The following KLF8 variants were observed in gnomAD, a reference collection of about 807,000 sequenced individuals.
KLF8 encodes the protein Krueppel-like factor 8.
A neutral mutation model predicts 18.2 loss-of-function variants in KLF8; 10 were observed. The ratio of observed to expected loss-of-function variants is 0.55; its 90% CI spans 0.34 to 0.93. The LOEUF is 0.93. Among genes scored for constraint, KLF8 ranks in the 40% least tolerant of loss-of-function variants. KLF8 has a pLI of 0.02. For missense variants in KLF8, 264 were observed against 277.9 expected (o/e 0.95, Z 0.36); for synonymous variants, 109 against 97.3 (o/e 1.12, Z -0.71).
chrX:55,944,587 C>A, the KLF8 span, among the ~76,000 whole-genome samples: 1 of 111,752 alleles, frequency 8.9e-6, no homozygotes, highest in Non-Finnish European at 1.9e-5. Flanking sequence ...GGAATTTATC[C>A]ATTTCTTCTA....
At position 56,233,267 on chromosome X, in the gene KLF8, C is replaced by T; in HGVS notation, c.-68C>T. On this transcript the variant is annotated 5_prime_UTR_variant, in exon 1 of 6. Transcript: ENST00000468660. The stretch of plus-strand genomic sequence containing the variant: ...AGGGGAACAGCTCTCTTGCGATCAG[C>T]TCAGGAGTATGAGCCTCCCGGAGGA... 8.4e-7 allele frequency: 1 copy of T among 1,193,159 alleles called. No individual in the cohort carries two copies. The highest frequency in any genetic ancestry group is 1.1e-6 in the Non-Finnish European group (1 of 879,483).
the KLF8 span, among the ~76,000 whole-genome samples, chrX:55,920,510 T>C: frequency 9.0e-6 from 1 of 110,936 alleles, no homozygotes; most frequent in Non-Finnish European, 1.9e-5. Flanking sequence ...CCAACTTAAG[T>C]AAATCAAAAA....
At chrX:56,215,550 C>T in the KLF8 span, among the ~76,000 whole-genome samples, 2 of 109,055 alleles carry the variant, frequency 1.8e-5, no homozygotes, top group African/African-American at 3.4e-5. Flanking sequence ...TGGCTGGGTG[C>T]GGTGGCTCAT....
the KLF8 span, among the ~76,000 whole-genome samples, chrX:56,209,300 A>G: frequency 9.0e-6 from 1 of 111,158 alleles, no homozygotes; most frequent in Non-Finnish European, 1.9e-5. Flanking sequence ...GTTTCCATTG[A>G]CATGGAATAT....
the KLF8 span, among the ~76,000 whole-genome samples, chrX:56,058,923 A>G: frequency 1.8e-5 from 2 of 111,832 alleles, no homozygotes; most frequent in African/African-American, 6.5e-5. Flanking sequence ...TGAGGAATTG[A>G]CACACTGTCT....
chrX:56,000,773 CT>C, the KLF8 span, among the ~76,000 whole-genome samples: 1 of 110,841 alleles, frequency 9.0e-6, no homozygotes, highest in Non-Finnish European at 1.9e-5. Flanking sequence ...TTTTGTTTAT[CT>C]TTTCAAAGAA....
chrX:56,267,186 C>G, intron 3 of KLF8: 1 of 753,956 alleles, frequency 1.3e-6, no homozygotes, highest in South Asian at 6.7e-5. Context: ...TTTAAATGTG[C>G]TCAATGTGGT....
intron 5 of KLF8, among the ~76,000 whole-genome samples, chrX:56,275,185 T>C: frequency 8.9e-6 from 1 of 111,794 alleles, no homozygotes; most frequent in Middle Eastern, 4.7e-3. Flanking sequence ...TCATCAATGT[T>C]TTATAGTATA....
At chrX:56,053,282 A>AT in the KLF8 span, among the ~76,000 whole-genome samples, 1 of 110,533 alleles carries the variant, frequency 9.0e-6, no homozygotes, top group Admixed American at 9.6e-5. Flanking sequence ...TCCTCCCCCT[A>AT]TTTTTTGTTT....
the KLF8 span, among the ~76,000 whole-genome samples, chrX:56,157,603 C>T: frequency 9.0e-6 from 1 of 111,281 alleles, no homozygotes; most frequent in East Asian, 2.8e-4. Flanking sequence ...GAGATGGTAT[C>T]TCATTGTGGT....
At chrX:56,114,111 C>T in the KLF8 span, among the ~76,000 whole-genome samples, 1 of 112,094 alleles carries the variant, frequency 8.9e-6, no homozygotes, top group African/African-American at 3.2e-5. Flanking sequence ...AGGGATGGAT[C>T]CGGGTCCCAC....
the KLF8 span, among the ~76,000 whole-genome samples, chrX:56,106,222 T>C: frequency 2.7e-5 from 3 of 111,444 alleles, no homozygotes; most frequent in Non-Finnish European, 3.8e-5. Context: ...AGGAGTATCT[T>C]TGTGGCATTC....
At chrX:56,136,912 AAAAC>A in the KLF8 span, among the ~76,000 whole-genome samples, 4 of 111,794 alleles carry the variant, frequency 3.6e-5, no homozygotes, top group South Asian at 1.5e-3. Context: ...TTACAAGAAA[AAAAC>A]AAACAACCCC....
chrX:56,154,288 A>G, the KLF8 span, among the ~76,000 whole-genome samples: 1 of 111,480 alleles, frequency 9.0e-6, no homozygotes, highest in African/African-American at 3.3e-5. Context: ...AGAGCCCTCA[A>G]AAATAATACC....
At chrX:56,053,131 C>T in the KLF8 span, among the ~76,000 whole-genome samples, 6 of 112,156 alleles carry the variant, frequency 5.3e-5, no homozygotes, top group Admixed American at 2.8e-4. Context: ...TCGGCTTGCG[C>T]ACGGTGCCCG....
the KLF8 span, among the ~76,000 whole-genome samples, chrX:56,192,767 G>C: frequency 8.9e-6 from 1 of 112,418 alleles, no homozygotes. Context: ...ATATGCAAAA[G>C]CATGAAACCA....
chrX:56,084,414 G>T, the KLF8 span, among the ~76,000 whole-genome samples: 5 of 110,568 alleles, frequency 4.5e-5, no homozygotes, highest in African/African-American at 1.6e-4. Context: ...AACAAAAAAA[G>T]AAATTCTTTG....
Position 56,233,264 on chromosome X carries a change from C to T in KLF8, c.-71C>T. On this transcript the variant is annotated 5_prime_UTR_variant, in exon 1 of 6. Coordinates refer to ENST00000468660, the MANE Select transcript of KLF8 (RefSeq NM_007250.5). ...GTGAGGGGAACAGCTCTCTTGCGAT[C>T]AGCTCAGGAGTATGAGCCTCCCGGA... 8.4e-7 allele frequency: 1 copy of T among 1,185,789 alleles called. No individual in the cohort carries two copies.
At chrX:55,945,130 G>T in the KLF8 span, among the ~76,000 whole-genome samples, 1 of 111,205 alleles carries the variant, frequency 9.0e-6, no homozygotes, top group Non-Finnish European at 1.9e-5. Flanking sequence ...TTTCCATGTA[G>T]TTGAGTGGTT....
Sources: allele counts gnomAD v4.1 joint callset (sites outside exome capture counted in the v4.1 genomes callset), GRCh38; gene constraint gnomAD v4.1.1; transcripts MANE v1.5; gene names NCBI Gene and HGNC (gene_info 2026-07-23, HGNC 2026-07-21).